NELL1: variants seen among roughly 807,000 people sequenced by gnomAD.
The protein encoded by NELL1 is neural EGFL like 1.
A neutral mutation model predicts 107.4 loss-of-function variants in NELL1; 76 were observed. The ratio of observed to expected loss-of-function variants is 0.71; its 90% confidence interval spans 0.59 to 0.86. The LOEUF (loss-of-function observed/expected upper bound fraction) is 0.86. Among genes scored for constraint, NELL1 ranks in the 40% least tolerant of loss-of-function variants. NELL1 has a pLI of 0.00. For synonymous variants in NELL1, 353 were observed against 341.2 expected (o/e 1.03, Z -0.38); for missense variants, 1,024 against 1,005.5 (o/e 1.02, Z -0.25).
intron 15 of NELL1, among the ~76,000 whole-genome samples, chr11:21,381,956 C>G (rs1451653650): frequency 9.2e-6 from 1 of 108,554 alleles, no homozygotes; most frequent in Admixed American, 1.3e-4. Context: ...CTTCTCATCT[C>G]TTGGAGTTAA....
At chr11:21,340,365 G>A (rs951387958) in intron 14 of NELL1, among the ~76,000 whole-genome samples, 2 of 152,126 alleles carry the variant, frequency 1.3e-5, no homozygotes, top group African/African-American at 4.8e-5. Context: ...TGTTAGCCAA[G>A]ATGGTCTCGA....
At chr11:21,025,217 T>G (rs1852788048) in intron 12 of NELL1, among the ~76,000 whole-genome samples, 1 of 152,104 alleles carries the variant, frequency 6.6e-6, no homozygotes, top group Admixed American at 6.6e-5. Flanking sequence ...GAATAATAAT[T>G]ATAAAAACCA....
At chr11:21,549,103 T>A (rs1661100429) in intron 16 of NELL1, among the ~76,000 whole-genome samples, 1 of 151,840 alleles carries the variant, frequency 6.6e-6, no homozygotes, top group East Asian at 1.9e-4. Context: ...TATCCAAGAT[T>A]CCAAGTGAGT....
At chr11:21,038,252 A>ATT (rs1853143667) in intron 12 of NELL1, among the ~76,000 whole-genome samples, 2 of 152,172 alleles carry the variant, frequency 1.3e-5, no homozygotes, top group African/African-American at 4.8e-5. Context: ...CCTGGAAGAT[A>ATT]ATAATGAGAT....
intron 2 of NELL1, among the ~76,000 whole-genome samples, chr11:20,700,563 G>C (rs1854752342): frequency 6.6e-6 from 1 of 151,942 alleles, no homozygotes; most frequent in Admixed American, 6.6e-5. Context: ...CAACATGCAG[G>C]TTTGTTACAT....
At chr11:21,266,982 A>G (rs1342129485) in intron 14 of NELL1, among the ~76,000 whole-genome samples, 2 of 152,076 alleles carry the variant, frequency 1.3e-5, no homozygotes, top group East Asian at 3.9e-4. Flanking sequence ...CCTATTTTAT[A>G]TTTGCTGAAA....
At position 20,919,251 on chromosome 11, in the gene NELL1, G is replaced by A. The variant is rs777197851; in HGVS notation, c.677-1G>A. ...ATATGTTTTATATTTTCTTTATTGA[G>A]CTTGCCCAACCTGCAGTGATTTCTT... On this transcript the variant is annotated splice_acceptor_variant, in intron 6 of 19. Transcript: ENST00000357134. LOFTEE classifies it high-confidence loss of function. 2 of 1,577,026 alleles carry A rather than the reference G, an allele frequency of 1.3e-6. No individual in the cohort carries two copies. The highest frequency in any genetic ancestry group is 1.4e-5 in the African/African-American group (1 of 73,868).
intron 15 of NELL1, among the ~76,000 whole-genome samples, chr11:21,371,811 G>A (rs775472247): frequency 1.3e-5 from 2 of 151,952 alleles, no homozygotes; most frequent in African/African-American, 2.4e-5. Flanking sequence ...ATTACATGAC[G>A]GGGGAGGTGT....
At chr11:21,143,453 C>T (rs563580120) in intron 13 of NELL1, among the ~76,000 whole-genome samples, 7 of 152,204 alleles carry the variant, frequency 4.6e-5, no homozygotes, top group African/African-American at 7.2e-5. Flanking sequence ...ATGTGAAGCT[C>T]GGGCATTATA....
chr11:21,173,453 T>C (rs1004695616), intron 13 of NELL1, among the ~76,000 whole-genome samples: 2 of 151,886 alleles, frequency 1.3e-5, no homozygotes, highest in African/African-American at 2.4e-5. Context: ...GGGAGAATGA[T>C]ACTTTTTCTT....
intron 14 of NELL1, among the ~76,000 whole-genome samples, chr11:21,343,933 A>C (rs1184886958): frequency 2.0e-5 from 3 of 152,158 alleles, no homozygotes; most frequent in African/African-American, 7.2e-5. Flanking sequence ...CCAAATCATC[A>C]TGTGCCAGGT....
rs141619087 is a variant in NELL1 at position 21,238,516 on chromosome 11, A to T, written c.1549+9062A>T. On this transcript the variant is annotated intron_variant, in intron 14 of 19. Transcript: ENST00000357134. ...GACCAGAGAAGAGACACTTTAATAA[A>T]TGAGAGGTCGTAGTGGAGAGGCACA... Among the ~76,000 whole-genome samples, 469 of 152,194 alleles carry T rather than the reference A, an allele frequency of 3.1e-3. 3 individuals carry two copies. Among genetic ancestry groups the T allele is most frequent in the African/African-American group, 0.01 (433 of 41,560 alleles).
intron 2 of NELL1, 92 bp from the exon 3 acceptor site, chr11:20,783,588 C>G: frequency 1.2e-6 from 1 of 826,572 alleles, no homozygotes; most frequent in Non-Finnish European, 1.8e-6. Context: ...CTTCTCATCT[C>G]CCCTCTCCTC....
At chr11:21,122,033 G>T (rs1345663945) in intron 13 of NELL1, among the ~76,000 whole-genome samples, 1 of 152,144 alleles carries the variant, frequency 6.6e-6, no homozygotes, top group Non-Finnish European at 1.5e-5. Flanking sequence ...AAGTCTGAAA[G>T]ACATGTCTAG....
Position 21,565,492 on chromosome 11 carries a change from G to A in NELL1, c.1980+5110G>A, listed in dbSNP as rs188390522. On this transcript the variant is annotated intron_variant, in intron 17 of 19. Transcript: ENST00000357134. Reference sequence around the variant, plus strand: ...CTGGCTCTACCCTCAGTATTTTCTGGTTCAGTAGATCTGGGGTGGGGTGCA... The same window carrying A: ...CTGGCTCTACCCTCAGTATTTTCTGATTCAGTAGATCTGGGGTGGGGTGCA... Among the ~76,000 whole-genome samples the A allele has an allele frequency of 5.9e-5, 9 of 151,926 alleles. 1 individual carries two copies. Among genetic ancestry groups the A allele is most frequent in the African/African-American group, 1.9e-4 (8 of 41,490 alleles).
chr11:20,773,815 C>A (rs2133971595), intron 2 of NELL1, among the ~76,000 whole-genome samples: 1 of 152,092 alleles, frequency 6.6e-6, no homozygotes, highest in East Asian at 1.9e-4. Context: ...GGAATCTTAA[C>A]CAAACAGTGA....
At chr11:21,495,248 A>G (rs1282536322) in intron 15 of NELL1, among the ~76,000 whole-genome samples, 1 of 152,138 alleles carries the variant, frequency 6.6e-6, no homozygotes, top group African/African-American at 2.4e-5. Flanking sequence ...TATTAATGAA[A>G]CAATACAATC....
At chr11:20,772,394 C>G (rs1856657959) in intron 2 of NELL1, among the ~76,000 whole-genome samples, 1 of 152,266 alleles carries the variant, frequency 6.6e-6, no homozygotes, top group Middle Eastern at 3.4e-3. Flanking sequence ...GAGGTGAGAT[C>G]TTGGATAAGT....
chr11:21,214,702 A>C (rs1857576077), intron 13 of NELL1, among the ~76,000 whole-genome samples: 1 of 151,308 alleles, frequency 6.6e-6, no homozygotes, highest in African/African-American at 2.4e-5. Flanking sequence ...TATCCTAGAA[A>C]TGTAAAAATG....
Sources: allele counts gnomAD v4.1 joint callset (sites outside exome capture counted in the v4.1 genomes callset), GRCh38; gene constraint gnomAD v4.1.1; transcripts MANE v1.5; gene names NCBI Gene and HGNC (gene_info 2026-07-23, HGNC 2026-07-21).